The following ASMT variants were observed in gnomAD, a reference collection of about 807,000 sequenced individuals.
ASMT encodes acetylserotonin N-methyltransferase.
Under a neutral mutation model 41.3 loss-of-function variants are expected in ASMT, and 53 were observed. That is an observed-to-expected ratio of 1.28 (90% CI 1.03 to 1.61). ASMT has a LOEUF of 1.61. Among genes scored for constraint, ASMT ranks in the 40% most tolerant of loss-of-function variants. The probability of loss-of-function intolerance (pLI) is 0.00; values close to 1 mark genes in which losing one functional copy is unlikely to be tolerated. For synonymous variants in ASMT, 231 were observed against 184.8 expected, an observed-to-expected ratio of 1.25 and a Z score of -2.03; for missense variants, 531 against 441.3, an observed-to-expected ratio of 1.20 and a Z score of -1.82.
chrX:1,627,613 T>TGAAAC, intron 3 of ASMT, 90 bp from the exon 4 acceptor site: 3 of 1,246,818 alleles, frequency 2.4e-6, no homozygotes, highest in Non-Finnish European at 3.5e-6. Flanking sequence ...AGAGCTGAAA[T>TGAAAC]GAAATGAAAC....
At chrX:1,615,792 A>G (rs767531773) in intron 1 of ASMT, among the ~76,000 whole-genome samples, 2 of 151,862 alleles carry the variant, frequency 1.3e-5, no homozygotes, top group African/African-American at 4.8e-5. Context: ...ACACAGCAAG[A>G]CTCTGTGTCA....
At chrX:1,621,521 T>C (rs187039502) in intron 1 of ASMT, among the ~76,000 whole-genome samples, 29 of 152,144 alleles carry the variant, frequency 1.9e-4, no homozygotes, top group African/African-American at 7.0e-4. Context: ...TTTCACCATG[T>C]TGGCCAGGTT....
chrX:1,630,596 A>G (rs1354746271), intron 5 of ASMT, among the ~76,000 whole-genome samples: 1 of 151,154 alleles, frequency 6.6e-6, no homozygotes, highest in Non-Finnish European at 1.5e-5. Context: ...CCTGTTTGTC[A>G]CCCAGGCTCG....
At chrX:1,642,537 GT>G (rs1279767861) in intron 8 of ASMT, among the ~76,000 whole-genome samples, 26 of 142,220 alleles carry the variant, frequency 1.8e-4, no homozygotes, top group Admixed American at 1.0e-3. Context: ...CGGTGTCCCA[GT>G]TCTCCTGTGA....
At position 1,627,709 on chromosome X, in the gene ASMT, A is replaced by C. The variant is rs1934608637; in HGVS notation, c.381A>C (p.Gly127=). The change falls in exon 4 of 9, where the codon GGA becomes GGC. Residue 127 remains glycine, a synonymous_variant. Transcript: ENST00000381241. ...CTTCTCTCTCTTTTCTTAGAGAAGG[A>C]AGGAACCAGTACCTGGAGACGTTTG... ...WGHLADAVRE[G]RNQYLETFGV... The C allele has an allele frequency of 6.2e-7, 1 of 1,613,502 alleles. No individual in the cohort carries two copies. The highest frequency in any genetic ancestry group is 1.3e-5 in the African/African-American group (1 of 74,918).
At chrX:1,615,338 C>G in intron 1 of ASMT, 70 bp downstream of exon 1, 1 of 1,413,080 alleles carries the variant, frequency 7.1e-7, no homozygotes, top group African/African-American at 1.4e-5. Context: ...ATTGTTGTGT[C>G]AGTCGAGAAA....
intron 5 of ASMT, among the ~76,000 whole-genome samples, chrX:1,632,293 A>G (rs1262114040): frequency 6.6e-6 from 1 of 152,104 alleles, no homozygotes; most frequent in Non-Finnish European, 1.5e-5. Context: ...AGCCAGAAAG[A>G]CCACCTGAAC....
At chrX:1,615,387 A>G in intron 1 of ASMT, 119 bp downstream of exon 1, 1 of 1,038,754 alleles carries the variant, frequency 9.6e-7, no homozygotes, top group Non-Finnish European at 1.5e-6. Context: ...TTTATTTTCC[A>G]CCGTGAAAGA....
At chrX:1,630,584 G>T (rs1204140796) in intron 5 of ASMT, among the ~76,000 whole-genome samples, 2 of 151,760 alleles carry the variant, frequency 1.3e-5, no homozygotes, top group African/African-American at 4.8e-5. Context: ...TTGAGAGAGG[G>T]TCCTGTTTGT....
intron 2 of ASMT, among the ~76,000 whole-genome samples, chrX:1,623,514 G>C (rs1252484228): frequency 3.3e-5 from 5 of 152,158 alleles, no homozygotes; most frequent in Non-Finnish European, 7.3e-5. Context: ...CAGGAGAATG[G>C]CATGAACCCG....
rs1190602136 is a variant in ASMT at position 1,632,755 on chromosome X, A to G, written c.614A>G (p.Gln205Arg). 5.1e-5 allele frequency: 16 copies of G among 316,302 alleles called. No individual in the cohort carries two copies. Among genetic ancestry groups the G allele is most frequent in the African/African-American group, 3.2e-4 (15 of 47,492 alleles). 19.6% of individuals were successfully genotyped at this position (316,302 alleles called of 1,614,324 possible). The change falls in exon 6 of 9, where the codon CAG (glutamine) becomes CGG (arginine). Residue 205 changes from glutamine to arginine, a missense_variant. Gln to Arg is a conservative substitution (Grantham distance 43). Coordinates refer to ENST00000381241, the MANE Select transcript of ASMT (RefSeq NM_001171038.2). Reference sequence around the variant, plus strand: ...ATTCTCAGCAAACTATCGCAAGGACAGAAAACCAAACACCGCGTGTTCTCA... The same window carrying G: ...ATTCTCAGCAAACTATCGCAAGGACGGAAAACCAAACACCGCGTGTTCTCA... ...TIILSKLSQG[Q>R]KTKHRVFSLI...
At position 1,624,384 on chromosome X, in the gene ASMT, G is replaced by A. The variant is rs1934449244; in HGVS notation, c.360G>A (p.Leu120=). The A allele has an allele frequency of 6.2e-7, 1 of 1,613,456 alleles. No individual in the cohort carries two copies. Among genetic ancestry groups the A allele is most frequent in the Admixed American group, 1.7e-5 (1 of 59,996 alleles). ...GRTSYRCWGH[L]ADAVREGRNQ... ...CCAGCTACCGGTGCTGGGGCCACCT[G>A]GCAGACGCCGTGAGGTGGGGGCTGC... Residue 120 remains leucine, a synonymous_variant, in exon 3 of 9, where the codon CTG becomes CTA. Transcript: ENST00000381241.
chrX:1,615,402 C>T, intron 1 of ASMT, 134 bp downstream of exon 1: 1 of 930,112 alleles, frequency 1.1e-6, no homozygotes, highest in Non-Finnish European at 1.7e-6. Context: ...GAAAGACGTA[C>T]ACCCACGATG....
chrX:1,617,116 T>C (rs1227714103), intron 1 of ASMT, among the ~76,000 whole-genome samples: 1 of 151,884 alleles, frequency 6.6e-6, no homozygotes, highest in Non-Finnish European at 1.5e-5. Flanking sequence ...AAGGCTGCAG[T>C]GAGCTATGAT....
Position 1,629,958 on chromosome X carries a change from T to G in ASMT, c.562+19T>G. On this transcript the variant is annotated intron_variant, in intron 5 of 8. Coordinates refer to ENST00000381241, the MANE Select transcript of ASMT (RefSeq NM_001171038.2). Reference sequence around the variant, plus strand: ...CTTGGTGGTAAGTACCCCTCACCACTAATACCTCGGAGGTGTGGCTTCTGT... The same window carrying G: ...CTTGGTGGTAAGTACCCCTCACCACGAATACCTCGGAGGTGTGGCTTCTGT... 1 of 1,574,898 alleles carries G rather than the reference T, an allele frequency of 6.3e-7. No individual in the cohort carries two copies. Among genetic ancestry groups the G allele is most frequent in the Non-Finnish European group, 8.7e-7 (1 of 1,144,110 alleles).
intron 1 of ASMT, among the ~76,000 whole-genome samples, chrX:1,618,686 C>G (rs1934227498): frequency 6.6e-6 from 1 of 152,314 alleles, no homozygotes; most frequent in Middle Eastern, 3.4e-3. Flanking sequence ...ATCTGCCTGC[C>G]TCAGCCTCCC....
chrX:1,619,817 C>T (rs1273451591), intron 1 of ASMT, among the ~76,000 whole-genome samples: 2 of 151,848 alleles, frequency 1.3e-5, no homozygotes, highest in South Asian at 2.1e-4. Context: ...ACGGGCCGGG[C>T]GTGGTGGCTC....
intron 1 of ASMT, among the ~76,000 whole-genome samples, chrX:1,622,698 G>A (rs1934379028): frequency 1.3e-5 from 2 of 151,694 alleles, no homozygotes; most frequent in South Asian, 4.2e-4. Flanking sequence ...CAGATCACGA[G>A]GTCAGAAGTT....
chrX:1,616,389 C>T (rs1211852196), intron 1 of ASMT, among the ~76,000 whole-genome samples: 4 of 151,300 alleles, frequency 2.6e-5, no homozygotes, highest in African/African-American at 7.3e-5. Context: ...ATGAAATGTG[C>T]AGAGCAGGCA....
Sources: gnomAD v4.1 joint callset for allele counts (sites outside exome capture counted in the v4.1 genomes callset) on GRCh38, gnomAD v4.1.1 for gene constraint, MANE v1.5 for transcripts, NCBI Gene and HGNC (gene_info 2026-07-23, HGNC 2026-07-21) for gene names.